Variants in GUCY1A2 observed in about 807,000 individuals in gnomAD.
GUCY1A2 encodes guanylate cyclase 1 soluble subunit alpha 2, also known as guanylate cyclase soluble subunit alpha-2.
Under a neutral mutation model 63.5 loss-of-function variants are expected in GUCY1A2, and 27 were observed. That is an observed-to-expected ratio of 0.43 (90% CI 0.31 to 0.59). The LOEUF (loss-of-function observed/expected upper bound fraction) is 0.59, where lower values mean the gene tolerates loss of function less well. Ranked by LOEUF, GUCY1A2 falls within the 20% of genes least tolerant of loss-of-function variation. The pLI is 0.11. For synonymous variants in GUCY1A2, 364 were observed against 343.5 expected (o/e 1.06, Z -0.66); for missense variants, 768 against 913.3 (o/e 0.84, Z 2.05).
chr11:107,015,526 A>G (rs1344162464), intron 1 of GUCY1A2, among the ~76,000 whole-genome samples: 1 of 132,822 alleles, frequency 7.5e-6, no homozygotes, highest in Admixed American at 8.8e-5. Context: ...AGAGGCATTG[A>G]CATTACTTTT....
At chr11:106,990,587 G>A (rs189404554) in intron 1 of GUCY1A2, among the ~76,000 whole-genome samples, 1 of 151,674 alleles carries the variant, frequency 6.6e-6, no homozygotes, top group African/African-American at 2.4e-5. Context: ...CTCTCTCTCT[G>A]TGTGTGTGTG....
At chr11:106,788,584 G>T (rs1286554337) in intron 5 of GUCY1A2, among the ~76,000 whole-genome samples, 1 of 152,144 alleles carries the variant, frequency 6.6e-6, no homozygotes, top group Admixed American at 6.6e-5. Flanking sequence ...TAGTGGTCTA[G>T]TTTCTTTCTT....
intron 5 of GUCY1A2, among the ~76,000 whole-genome samples, chr11:106,799,964 ATGGGAGAAAATTTT>A (rs1256778399): frequency 6.6e-6 from 1 of 152,168 alleles, no homozygotes; most frequent in Non-Finnish European, 1.5e-5. Context: ...AACCTACAAA[ATGGGAGAAAATTTT>A]TGCAATTTAC....
rs142885092 is a variant in GUCY1A2, at chr11:106,712,835, A to G, written c.1837-4169T>C. ...ACAGGCATTGTTTTCCAAGTCCTGT[A>G]TAAGTGCTAGGTGCTTTTCCATATG... On this transcript the variant is annotated intron_variant, in intron 6 of 7. Transcript: ENST00000526355. Among the ~76,000 whole-genome samples, 16 of 152,272 alleles carry G rather than the reference A, an allele frequency of 1.1e-4. No homozygotes were observed. The East Asian group carries it at 1.5e-3, about 15-fold the overall frequency.
In GUCY1A2 at chr11:106,774,687, C is replaced by T. The variant is rs187324947; in HGVS notation, c.1836+1752G>A. Among the ~76,000 whole-genome samples the T allele has an allele frequency of 5.3e-5, 8 of 152,128 alleles. 1 individual carries two copies. The highest frequency in any genetic ancestry group is 3.9e-4 in the Admixed American group (6 of 15,288). On this transcript the variant is annotated intron_variant, in intron 6 of 7. Transcript: ENST00000526355. The stretch of plus-strand genomic sequence containing the variant: ...ATATATTACATCTTTCCACTCTCTC[C>T]GCCCTGTCTCCCACATATTTTATAT...
At chr11:106,816,615 T>C (rs1858835706) in intron 4 of GUCY1A2, among the ~76,000 whole-genome samples, 1 of 149,902 alleles carries the variant, frequency 6.7e-6, no homozygotes, top group Non-Finnish European at 1.5e-5. Context: ...AGAGAGGTAA[T>C]CAATGAAATT....
At chr11:106,822,566 T>C (rs1311913861) in intron 4 of GUCY1A2, among the ~76,000 whole-genome samples, 1 of 152,162 alleles carries the variant, frequency 6.6e-6, no homozygotes, top group Non-Finnish European at 1.5e-5. Flanking sequence ...CATCTTTGCA[T>C]CCATGTGTAC....
At chr11:106,751,909 T>TTGA (rs1240534319) in intron 6 of GUCY1A2, among the ~76,000 whole-genome samples, 2 of 152,222 alleles carry the variant, frequency 1.3e-5, no homozygotes, top group East Asian at 3.8e-4. Context: ...TATTTCTACA[T>TTGA]TGATAAATCT....
At chr11:106,860,028 C>T (rs949680396) in intron 4 of GUCY1A2, among the ~76,000 whole-genome samples, 4 of 151,906 alleles carry the variant, frequency 2.6e-5, no homozygotes, top group Non-Finnish European at 5.9e-5. Context: ...TCTAATTCAG[C>T]ATAAATAAAT....
Position 106,819,309 on chromosome 11 carries a change from G to A in GUCY1A2, c.1207-8831C>T, listed in dbSNP as rs1858870603. ...GTTGATAAAGCAGCACAGAGTTTGA[G>A]AAGACATATTCAAATTTTGAAAGCA... On this transcript the variant is annotated intron_variant, in intron 4 of 7. Coordinates refer to ENST00000526355, the MANE Select transcript of GUCY1A2 (RefSeq NM_000855.3). 2.0e-5 allele frequency among the ~76,000 whole-genome samples: 3 copies of A among 152,162 alleles called. No homozygotes were observed. The South Asian group carries it at 6.2e-4, about 31-fold the overall frequency.
intron 5 of GUCY1A2, among the ~76,000 whole-genome samples, chr11:106,788,178 C>T (rs142614475): frequency 2.0e-5 from 3 of 151,994 alleles, no homozygotes; most frequent in African/African-American, 7.2e-5. Flanking sequence ...TGCCATTTCT[C>T]TTCTTGTGAG....
At chr11:106,998,213 A>G (rs933639627) in intron 1 of GUCY1A2, among the ~76,000 whole-genome samples, 4 of 152,184 alleles carry the variant, frequency 2.6e-5, no homozygotes, top group African/African-American at 9.7e-5. Context: ...CAAACTGTAA[A>G]CTATGTAGTA....
intron 1 of GUCY1A2, among the ~76,000 whole-genome samples, chr11:107,013,028 C>T (rs918136052): frequency 2.0e-5 from 3 of 151,660 alleles, no homozygotes; most frequent in African/African-American, 4.8e-5. Flanking sequence ...TCATTCTTTC[C>T]TTGACATGTA....
Position 106,990,610 on chromosome 11 carries a change from C to T in GUCY1A2, c.304-4479G>A, listed in dbSNP as rs1354040708. 5.9e-5 allele frequency among the ~76,000 whole-genome samples: 9 copies of T among 152,202 alleles called. No homozygotes were observed. The South Asian group carries it at 6.2e-4, about 11-fold the overall frequency. ...CTGTGTGTGTGTGTGTGCGCGCACG[C>T]GCAGCGTGAAACACAGTTGTCATCG... On this transcript the variant is annotated intron_variant, in intron 1 of 7. Coordinates refer to ENST00000526355, the MANE Select transcript of GUCY1A2 (RefSeq NM_000855.3).
intron 2 of GUCY1A2, among the ~76,000 whole-genome samples, chr11:106,979,454 C>CAAAAAAA (rs368315276): frequency 3.4e-5 from 2 of 59,432 alleles, no homozygotes; most frequent in Non-Finnish European, 3.3e-5. Flanking sequence ...GACTCCGTCT[C>CAAAAAAA]AAAAAAAAAA....
chr11:106,990,441 T>G (rs1211141970), intron 1 of GUCY1A2, among the ~76,000 whole-genome samples: 1 of 151,672 alleles, frequency 6.6e-6, no homozygotes, highest in African/African-American at 2.4e-5. Flanking sequence ...CCCTGAAGAG[T>G]GGGAGGAAGC....
At chr11:106,804,767 T>G (rs1858657653) in intron 5 of GUCY1A2, among the ~76,000 whole-genome samples, 1 of 152,226 alleles carries the variant, frequency 6.6e-6, no homozygotes, top group Admixed American at 6.5e-5. Flanking sequence ...TGTAGACTTG[T>G]CCTGTGCACC....
intron 6 of GUCY1A2, among the ~76,000 whole-genome samples, chr11:106,723,656 C>T (rs992072061): frequency 6.6e-6 from 1 of 152,154 alleles, no homozygotes; most frequent in Non-Finnish European, 1.5e-5. Context: ...AGCCCTGTCT[C>T]TATTAAAAGT....
At chr11:106,913,122 AAGATATATATATAT>A (rs1860318198) in intron 4 of GUCY1A2, among the ~76,000 whole-genome samples, 1 of 56,584 alleles carries the variant, frequency 1.8e-5, no homozygotes, top group African/African-American at 7.2e-5. Flanking sequence ...TTTTTTTCAA[AAGATATATATATAT>A]ATATATAAAA....
Sources: gnomAD v4.1 joint callset for allele counts (sites outside exome capture counted in the v4.1 genomes callset) on GRCh38, gnomAD v4.1.1 for gene constraint, MANE v1.5 for transcripts, NCBI Gene and HGNC (gene_info 2026-07-23, HGNC 2026-07-21) for gene names.